The following CD63 variants were observed in gnomAD, a reference collection of about 807,000 sequenced individuals.
CD63 encodes CD63 molecule.
Under a neutral mutation model 29.2 loss-of-function variants are expected in CD63, and 16 were observed. The observed-to-expected ratio is 0.55, with a 90% CI of 0.37 to 0.83. CD63 has a LOEUF of 0.83. Ranked by LOEUF, CD63 falls within the 40% of genes least tolerant of loss-of-function variation. The probability of loss-of-function intolerance (pLI) is 0.00; values close to 1 mark genes in which losing one functional copy is unlikely to be tolerated. For missense variants in CD63, 251 were observed against 297.3 expected (o/e 0.84, Z 1.15); for synonymous variants, 118 against 111.7 (o/e 1.06, Z -0.36).
intron 3 of CD63, 62 bp from the exon 4 acceptor site, chr12:55,727,026 C>T: frequency 6.3e-7 from 1 of 1,581,656 alleles, no homozygotes; most frequent in Non-Finnish European, 8.7e-7. Context: ...CCCGTTTTGG[C>T]ACAGCCGGTC....
In CD63 at chr12:55,728,036, A is replaced by G; in HGVS notation, c.66+240T>C. The G allele has an allele frequency of 1.2e-6, 1 of 836,218 alleles. No individual in the cohort carries two copies. The highest frequency in any genetic ancestry group is 1.8e-6 in the Non-Finnish European group (1 of 569,458). 51.8% of individuals were successfully genotyped at this position (836,218 alleles called of 1,614,324 possible). On this transcript the variant is annotated intron_variant, in intron 2 of 7. Coordinates refer to ENST00000257857, the MANE Select transcript of CD63 (RefSeq NM_001780.6). This position sits in a 1 kb window ranked among gnomAD's most constrained non-coding sequence, Gnocchi z 4.8. Reference sequence around the variant, plus strand: ...ACAAGTGGTTGGGTCACCAGACAGGAAGGGCCAGGAGGGATGGGGGTAGGG... The same window carrying G: ...ACAAGTGGTTGGGTCACCAGACAGGGAGGGCCAGGAGGGATGGGGGTAGGG...
downstream of CD63, chr12:55,723,887 C>T (rs1014376416): frequency 9.3e-6 from 15 of 1,613,618 alleles, no homozygotes; most frequent in African/African-American, 4.0e-5. Flanking sequence ...CGACTCTAGG[C>T]GGGATGTAGC....
intron 5 of CD63, among the ~76,000 whole-genome samples, 165 bp downstream of exon 5, chr12:55,726,535 G>A (rs1174234008): frequency 6.6e-6 from 1 of 151,864 alleles, no homozygotes; most frequent in Non-Finnish European, 1.5e-5. Flanking sequence ...AGTAGAGACA[G>A]GGTTTCACCA....
intron 2 of CD63, 198 bp from the exon 3 acceptor site, chr12:55,727,537 G>A (rs1485515525): frequency 1.6e-6 from 2 of 1,264,144 alleles, no homozygotes; most frequent in Non-Finnish European, 2.0e-6. Flanking sequence ...ATCCCCTCCC[G>A]GCTCTTTAAT....
upstream of CD63, chr12:55,729,051 C>T (rs1023906936): frequency 5.1e-6 from 5 of 985,352 alleles, no homozygotes; most frequent in Non-Finnish European, 6.0e-6. Flanking sequence ...CGCGCGGCCC[C>T]GCCCCGGGCT....
chr12:55,723,998 C>T (rs747587996), downstream of CD63: 9 of 1,613,296 alleles, frequency 5.6e-6, no homozygotes, highest in East Asian at 2.2e-5. Flanking sequence ...CTGCTGGGCA[C>T]GGCTGCCTCC....
At chr12:55,729,816 A>T (rs2136158046), upstream of CD63, 2 of 152,372 alleles carry the variant, frequency 1.3e-5, no homozygotes, top group South Asian at 4.1e-4. Context: ...CGTCTGTGAT[A>T]GCGAGGGCTT....
chr12:55,726,336 T>C, intron 5 of CD63, 75 bp from the exon 6 acceptor site: 1 of 400,310 alleles, frequency 2.5e-6, no homozygotes. Flanking sequence ...TGAGAATTCT[T>C]TTTTTTTTTT....
Position 55,728,326 on chromosome 12 carries a change from C to T in CD63, c.16G>A (p.Gly6Arg), listed in dbSNP as rs1877643725. MAVEG[G>R]MKCVKFLLYV... ...AGCAAGAACTTCACACATTTCATTC[C>T]TCCTTCCACCGCCATGGCTGCCGGG... is the stretch of plus-strand genomic sequence containing the variant. Residue 6 changes from glycine to arginine, a missense_variant, in exon 2 of 8, where the codon GGA (glycine) becomes AGA (arginine). Coordinates refer to ENST00000257857, the MANE Select transcript of CD63 (RefSeq NM_001780.6). The surrounding 1 kb of genome is among the most constrained non-coding windows in gnomAD (Gnocchi z 4.8). 4 of 1,610,882 alleles carry T rather than the reference C, an allele frequency of 2.5e-6. No homozygotes were observed. Among genetic ancestry groups the T allele is most frequent in the Non-Finnish European group, 3.4e-6 (4 of 1,179,208 alleles).
chr12:55,727,247 C>T lies in CD63; in HGVS notation c.159G>A (p.Leu53=). ...IIQGATPGSL[L]PVVIIAVGVF... ...CACCCACTGCGATGATGACCACTGG[C>T]AACAGAGAGCCAGGGGTAGCCCCCT... The change falls in exon 3 of 8, where the codon TTG becomes TTA. Residue 53 remains leucine (L), a synonymous_variant. Coordinates refer to ENST00000257857, the MANE Select transcript of CD63 (RefSeq NM_001780.6). 6.2e-7 allele frequency: 1 copy of T among 1,613,948 alleles called. No individual in the cohort carries two copies.
In CD63 at chr12:55,726,703, T is replaced by C. The variant is rs1180609856; in HGVS notation, c.423A>G (p.Ala141=). Residue 141 remains alanine, a synonymous_variant, in exon 5 of 8, where the codon GCA becomes GCG. Transcript: ENST00000257857. ...TGCTCCCAGCAACCCCACTCACATCTGCCTGCATCCTGTCCAGGATCGAAG... is the reference window on the plus strand; with the variant it reads ...TGCTCCCAGCAACCCCACTCACATCCGCCTGCATCCTGTCCAGGATCGAAG... ...HTASILDRMQ[A]DFKCCGAANY... is the part of the protein sequence containing the mutation. 7.4e-6 allele frequency: 12 copies of C among 1,612,860 alleles called. No homozygotes were observed. The highest frequency in any genetic ancestry group is 1.0e-5 in the Non-Finnish European group (12 of 1,179,042).
chr12:55,727,102 C>A, intron 3 of CD63, 49 bp downstream of exon 3: 4 of 1,587,938 alleles, frequency 2.5e-6, no homozygotes, highest in Non-Finnish European at 3.4e-6. Context: ...CCGAACCAAG[C>A]TGCTCTGGCA....
intron 5 of CD63, 75 bp downstream of exon 5, chr12:55,726,625 G>C (rs1877403333): frequency 1.7e-6 from 2 of 1,190,832 alleles, no homozygotes; most frequent in Non-Finnish European, 2.5e-6. Context: ...GATTACAGGC[G>C]TGAGTCACCA....
In CD63 at chr12:55,728,071, C is replaced by T. The variant is rs551955609; in HGVS notation, c.66+205G>A. 1.3e-5 allele frequency among the ~76,000 whole-genome samples: 2 copies of T among 152,048 alleles called. No homozygotes were observed. The highest frequency in any genetic ancestry group is 1.3e-4 in the Admixed American group (2 of 15,278). On this transcript the variant is annotated intron_variant, in intron 2 of 7. Coordinates refer to ENST00000257857, the MANE Select transcript of CD63 (RefSeq NM_001780.6). The surrounding 1 kb of genome is among the most constrained non-coding windows in gnomAD (Gnocchi z 4.8). ...AGGGATGGGGGTAGGGGTTGCTGCACACCCAGGATGGCCATTCTCGGTGGA... is the reference window on the plus strand; with the variant it reads ...AGGGATGGGGGTAGGGGTTGCTGCATACCCAGGATGGCCATTCTCGGTGGA...
chr12:55,726,730 A>C lies in CD63; in HGVS notation c.396T>G (p.Thr132=). 2.5e-6 allele frequency: 4 copies of C among 1,614,090 alleles called. No individual in the cohort carries two copies. The highest frequency in any genetic ancestry group is 3.4e-6 in the Non-Finnish European group (4 of 1,179,962). ...CCTGCATCCTGTCCAGGATCGAAGC[A>C]GTGTGGTTGTTTTTCGGGTAATTCT... The part of the protein sequence containing the change: ...QMENYPKNNH[T]ASILDRMQAD... The change falls in exon 5 of 8, where the codon ACT becomes ACG. Residue 132 remains threonine, a synonymous_variant. Coordinates refer to ENST00000257857, the MANE Select transcript of CD63 (RefSeq NM_001780.6).
rs1337474308 is a variant in CD63, at chr12:55,727,232, G to A, written c.174C>T (p.Ile58=). ...CCAGGAAGAGGAAGACACCCACTGC[G>A]ATGATGACCACTGGCAACAGAGAGC... is the stretch of plus-strand genomic sequence containing the variant. ...TPGSLLPVVI[I]AVGVFLFLVA... Residue 58 remains isoleucine, a synonymous_variant, in exon 3 of 8, where the codon ATC becomes ATT. Coordinates refer to ENST00000257857, the MANE Select transcript of CD63 (RefSeq NM_001780.6). The A allele has an allele frequency of 5.0e-6, 8 of 1,613,798 alleles. No individual in the cohort carries two copies. The South Asian group carries it at 6.6e-5, about 13-fold the overall frequency.
rs1035573162 is a variant in CD63 at position 55,727,122 on chromosome 12, C to T, written c.255+29G>A. 4.4e-6 allele frequency: 7 copies of T among 1,602,168 alleles called. No individual in the cohort carries two copies. In the South Asian group the frequency reaches 7.8e-5, roughly 18 times the overall value. ...CCAAGCTGCTCTGGCAGTCCCAGAC[C>T]GCCCATGTTGGTCCCGCCCCCAACT... On this transcript the variant is annotated intron_variant, in intron 3 of 7. Transcript: ENST00000257857.
chr12:55,725,768 G>A, intron 7 of CD63, 45 bp downstream of exon 7: 1 of 1,586,504 alleles, frequency 6.3e-7, no homozygotes, highest in Middle Eastern at 1.7e-4. Context: ...TTCCCTCCAG[G>A]CACCCTGGAC....
intron 2 of CD63, 48 bp from the exon 3 acceptor site, chr12:55,727,387 C>A: frequency 1.3e-6 from 2 of 1,545,034 alleles, no homozygotes; most frequent in South Asian, 1.2e-5. Flanking sequence ...AACACAGTGG[C>A]CCTCCATGGT....
Sources: allele counts gnomAD v4.1 joint callset (sites outside exome capture counted in the v4.1 genomes callset), GRCh38; gene constraint gnomAD v4.1.1; non-coding constraint Gnocchi (gnomAD v3.1); transcripts MANE v1.5; gene names NCBI Gene and HGNC (gene_info 2026-07-23, HGNC 2026-07-21).